Variants in JARID2 observed in about 807,000 individuals in gnomAD.
JARID2 encodes the protein jumonji and AT-rich interaction domain containing 2.
JARID2 carries 21 observed loss-of-function variants against 125.6 expected under a neutral mutation model. That is an observed-to-expected ratio of 0.17 (90% CI 0.12 to 0.24). The LOEUF is 0.24. JARID2 is among the 10% of genes least tolerant of loss of function. The pLI is 1.00. For missense variants in JARID2, 1,303 were observed against 1,639.6 expected, an observed-to-expected ratio of 0.79 and a Z score of 3.55; for synonymous variants, 736 against 661.6, an observed-to-expected ratio of 1.11 and a Z score of -1.73.
intron 5 of JARID2, among the ~76,000 whole-genome samples, chr6:15,476,556 C>T (rs1316828813): frequency 6.6e-6 from 1 of 152,214 alleles, no homozygotes; most frequent in Non-Finnish European, 1.5e-5. Context: ...CATTTGTAAT[C>T]CACTGAACAT....
intron 1 of JARID2, among the ~76,000 whole-genome samples, chr6:15,248,341 C>T (rs1190350624): frequency 6.9e-6 from 1 of 144,858 alleles, no homozygotes; most frequent in Non-Finnish European, 1.5e-5. Flanking sequence ...CACCGGTCTA[C>T]CCGGGCCGGC....
chr6:15,443,218 C>T (rs1767522091), intron 3 of JARID2, among the ~76,000 whole-genome samples: 1 of 152,096 alleles, frequency 6.6e-6, no homozygotes, highest in Admixed American at 6.6e-5. Flanking sequence ...GCAAGGCTTG[C>T]CTTGTCCTTG....
At chr6:15,467,426 T>A (rs1485735090) in intron 4 of JARID2, among the ~76,000 whole-genome samples, 2 of 152,212 alleles carry the variant, frequency 1.3e-5, no homozygotes, top group East Asian at 3.8e-4. Context: ...TGAAGGGGAT[T>A]TTGTTTGTGT....
intron 2 of JARID2, among the ~76,000 whole-genome samples, chr6:15,404,664 G>A (rs1300574495): frequency 6.6e-6 from 1 of 152,166 alleles, no homozygotes; most frequent in Admixed American, 6.5e-5. Context: ...CAGGGTGACA[G>A]ACGGCATTGG....
rs1306527374 is a variant in JARID2, at chr6:15,507,505, A to G, written c.2731+89A>G. The G allele has an allele frequency of 5.4e-6, 6 of 1,101,914 alleles. No homozygotes were observed. The African/African-American group carries it at 9.3e-5, about 17-fold the overall frequency. The allele number at this position is 1,101,914 out of a possible 1,614,324, so 68.3% of individuals were successfully genotyped here. On this transcript the variant is annotated intron_variant, in intron 11 of 17. Coordinates refer to ENST00000341776, the MANE Select transcript of JARID2 (RefSeq NM_004973.4). Reference sequence around the variant, plus strand: ...CAGGGCTGGGAAATCCCTTCTAAGCACTGCCGGGGAGGGATGGCGTCTTCA... The same window carrying G: ...CAGGGCTGGGAAATCCCTTCTAAGCGCTGCCGGGGAGGGATGGCGTCTTCA...
intron 1 of JARID2, among the ~76,000 whole-genome samples, chr6:15,351,433 G>C (rs1763424907): frequency 6.6e-6 from 1 of 152,162 alleles, no homozygotes; most frequent in South Asian, 2.1e-4. Flanking sequence ...CTCATGGAAA[G>C]ACACTGGCCT....
chr6:15,509,045 T>C (rs1054065749), intron 12 of JARID2: 2 of 1,289,238 alleles, frequency 1.6e-6, no homozygotes, highest in African/African-American at 1.5e-5. Flanking sequence ...TCCTGCCATG[T>C]GGAGACACGC....
intron 3 of JARID2, among the ~76,000 whole-genome samples, chr6:15,423,031 G>C: frequency 6.7e-6 from 1 of 148,792 alleles, no homozygotes; most frequent in East Asian, 2.0e-4. Flanking sequence ...ACAGGGCCTG[G>C]CTCTGTTGCC....
chr6:15,259,985 T>C (rs1256882672), intron 1 of JARID2, among the ~76,000 whole-genome samples: 3 of 152,186 alleles, frequency 2.0e-5, no homozygotes, highest in Non-Finnish European at 4.4e-5. Context: ...TGGCAGTGTT[T>C]TTGCTTTTGG....
At chr6:15,381,006 C>A (rs1764560486) in intron 2 of JARID2, among the ~76,000 whole-genome samples, 1 of 151,894 alleles carries the variant, frequency 6.6e-6, no homozygotes, top group African/African-American at 2.4e-5. Flanking sequence ...GAGATGGTGC[C>A]TACTTTATCA....
At chr6:15,469,472 G>A (rs914442177) in intron 5 of JARID2, among the ~76,000 whole-genome samples, 5 of 142,640 alleles carry the variant, frequency 3.5e-5, no homozygotes, top group East Asian at 2.1e-4. Context: ...TCGCTCTGTC[G>A]CCCAGGCTGG....
At chr6:15,319,810 A>T (rs910603923) in intron 1 of JARID2, among the ~76,000 whole-genome samples, 1 of 152,216 alleles carries the variant, frequency 6.6e-6, no homozygotes, top group East Asian at 1.9e-4. Context: ...ATGGTTGCAG[A>T]TTATGTAAAT....
intron 3 of JARID2, among the ~76,000 whole-genome samples, chr6:15,432,200 G>A (rs1352741252): frequency 2.6e-5 from 4 of 152,128 alleles, no homozygotes; most frequent in East Asian, 1.9e-4. Context: ...AGGCTAAGGC[G>A]GGTGGATCTC....
intron 8 of JARID2, 83 bp from the exon 9 acceptor site, chr6:15,504,417 C>T (rs994413711): frequency 6.4e-5 from 62 of 969,496 alleles, no homozygotes; most frequent in Middle Eastern, 6.3e-4. Flanking sequence ...CAAGGGGCAG[C>T]GGCCCATGAC....
At chr6:15,275,240 G>A (rs962854960) in intron 1 of JARID2, among the ~76,000 whole-genome samples, 1 of 152,162 alleles carries the variant, frequency 6.6e-6, no homozygotes, top group Non-Finnish European at 1.5e-5. Flanking sequence ...AGCAAAGACA[G>A]GAATGAGCTG....
chr6:15,262,583 A>G (rs1230993000), intron 1 of JARID2, among the ~76,000 whole-genome samples: 3 of 134,836 alleles, frequency 2.2e-5, no homozygotes, highest in African/African-American at 8.6e-5. Flanking sequence ...CCCAGGCTGG[A>G]GTGCAGTGGC....
chr6:15,448,488 C>G (rs983132457), intron 3 of JARID2, among the ~76,000 whole-genome samples: 7 of 152,192 alleles, frequency 4.6e-5, no homozygotes, highest in African/African-American at 1.4e-4. Context: ...CCTTAACATC[C>G]TGTTAACATG....
At chr6:15,426,539 A>G (rs1218945456) in intron 3 of JARID2, among the ~76,000 whole-genome samples, 2 of 152,182 alleles carry the variant, frequency 1.3e-5, no homozygotes, top group Admixed American at 6.5e-5. Context: ...GGAGGTTACT[A>G]TGCTTAAGTG....
At chr6:15,492,009 C>T (rs1581637974) in intron 6 of JARID2, among the ~76,000 whole-genome samples, 1 of 152,254 alleles carries the variant, frequency 6.6e-6, no homozygotes, top group East Asian at 1.9e-4. Flanking sequence ...TGAAAATGCT[C>T]TCAACCTTGC....
Sources: gnomAD v4.1 joint callset for allele counts (sites outside exome capture counted in the v4.1 genomes callset) on GRCh38, gnomAD v4.1.1 for gene constraint, MANE v1.5 for transcripts, NCBI Gene and HGNC (gene_info 2026-07-23, HGNC 2026-07-21) for gene names.